KIF9: variants seen among roughly 807,000 people sequenced by gnomAD.
KIF9 encodes kinesin family member 9.
Under a neutral mutation model 94.8 loss-of-function variants are expected in KIF9, and 68 were observed. The ratio of observed to expected loss-of-function variants is 0.72; its 90% CI spans 0.59 to 0.88. The LOEUF (loss-of-function observed/expected upper bound fraction) is 0.88, where lower values mean the gene tolerates loss of function less well. KIF9 is among the 40% of genes least tolerant of loss of function. The pLI is 0.00. For synonymous variants in KIF9, 343 were observed against 362.1 expected (o/e 0.95, Z 0.60); for missense variants, 882 against 982.5 (o/e 0.90, Z 1.37).
At chr3:47,253,731 A>G (rs922228537) in intron 10 of KIF9, among the ~76,000 whole-genome samples, 7 of 152,188 alleles carry the variant, frequency 4.6e-5, no homozygotes, top group Non-Finnish European at 8.8e-5. Context: ...AGATTTATCC[A>G]TGCAGGTAGC....
intron 9 of KIF9, among the ~76,000 whole-genome samples, chr3:47,259,477 C>T (rs545290383): frequency 6.6e-6 from 1 of 152,314 alleles, no homozygotes; most frequent in South Asian, 2.1e-4. Flanking sequence ...CCAGAGTGGC[C>T]TCAGCTTGCT....
At position 47,267,056 on chromosome 3, in the gene KIF9, T is replaced by A. The variant is rs1170692383; in HGVS notation, c.688A>T (p.Thr230Ser). Residue 230 changes from threonine (T) to serine (S), a missense_variant, in exon 7 of 21, where the codon ACC becomes TCC. Thr to Ser is a moderately conservative substitution (Grantham distance 58). Coordinates refer to ENST00000684063, the MANE Select transcript of KIF9 (RefSeq NM_182902.4). ...FTIYLEAHSRTLSEEKYITSK... is the reference protein window; with the variant it reads ...FTIYLEAHSRSLSEEKYITSK... ...GTGATGTACTTTTCCTCTGATAAGGTCCGGGAATGGGCCTACAAAACATCC... is the reference window on the plus strand; with the variant it reads ...GTGATGTACTTTTCCTCTGATAAGGACCGGGAATGGGCCTACAAAACATCC... The A allele has an allele frequency of 1.2e-6, 2 of 1,613,582 alleles. No individual in the cohort carries two copies. Among genetic ancestry groups the A allele is most frequent in the East Asian group, 2.2e-5 (1 of 44,866 alleles).
intron 10 of KIF9, among the ~76,000 whole-genome samples, chr3:47,256,852 T>G (rs985969439): frequency 6.6e-6 from 1 of 152,242 alleles, no homozygotes; most frequent in African/African-American, 2.4e-5. Context: ...CCCCCAACCC[T>G]GTGCTCTCTG....
chr3:47,235,491 G>A (rs375678018), intron 20 of KIF9, 22 bp downstream of exon 20: 7 of 1,532,756 alleles, frequency 4.6e-6, no homozygotes, highest in Non-Finnish European at 5.4e-6. Flanking sequence ...CATCCTCCTG[G>A]AGACATAGGC....
chr3:47,228,705 G>C lies in KIF9; in HGVS notation c.2323-3C>G. 1 of 1,613,206 alleles carries C rather than the reference G, an allele frequency of 6.2e-7. No homozygotes were observed. Among genetic ancestry groups the C allele is most frequent in the Non-Finnish European group, 8.5e-7 (1 of 1,179,246 alleles). On this transcript the variant is annotated splice_polypyrimidine_tract_variant and splice_region_variant and intron_variant, in intron 20 of 20. Coordinates refer to ENST00000684063, the MANE Select transcript of KIF9 (RefSeq NM_182902.4). Reference sequence around the variant, plus strand: ...ATCATGGTTTTCAAGTAATTATGCTGGACACAGAGGGAAGAGAAAACAGGA... The same window carrying C: ...ATCATGGTTTTCAAGTAATTATGCTCGACACAGAGGGAAGAGAAAACAGGA...
intron 10 of KIF9, chr3:47,250,652 G>C: frequency 5.0e-6 from 2 of 400,350 alleles, no homozygotes; most frequent in East Asian, 1.3e-4. Context: ...TTGAGGAGAA[G>C]AATCGCTAAG....
chr3:47,273,477 TG>T, intron 4 of KIF9, 74 bp downstream of exon 4: 1 of 1,145,626 alleles, frequency 8.7e-7, no homozygotes, highest in Non-Finnish European at 1.3e-6. Context: ...CTCTAGTAGC[TG>T]GCCCAGGGTC....
chr3:47,276,451 A>C (rs1701972623), intron 2 of KIF9, among the ~76,000 whole-genome samples: 1 of 151,046 alleles, frequency 6.6e-6, no homozygotes, highest in Admixed American at 6.6e-5. Flanking sequence ...AGCTACTAGC[A>C]GGGCTGAGGC....
At chr3:47,263,903 T>G (rs1185201530) in intron 9 of KIF9, 1 of 459,214 alleles carries the variant, frequency 2.2e-6, no homozygotes, top group African/African-American at 2.0e-5. Context: ...TGGAACCCTG[T>G]GGGGTTTTCA....
chr3:47,276,986 A>C, intron 2 of KIF9: 1 of 227,336 alleles, frequency 4.4e-6, no homozygotes, highest in East Asian at 9.8e-5. Flanking sequence ...ATCAATCATT[A>C]GAAAGCTTTA....
chr3:47,230,655 T>C (rs1347147898), intron 20 of KIF9, among the ~76,000 whole-genome samples: 21 of 148,132 alleles, frequency 1.4e-4, no homozygotes, highest in Non-Finnish European at 2.4e-4. Context: ...CGCTTAAACC[T>C]GGGAGGCAGA....
intron 1 of KIF9, 64 bp downstream of exon 1, chr3:47,282,431 A>G (rs987085514): frequency 1.0e-6 from 1 of 986,084 alleles, no homozygotes; most frequent in African/African-American, 1.7e-5. Context: ...AGCCACTTTC[A>G]GCAGTCCGGG....
intron 1 of KIF9, chr3:47,281,151 A>C: frequency 1.5e-6 from 1 of 648,406 alleles, no homozygotes; most frequent in Admixed American, 2.3e-5. Flanking sequence ...GCTGGAAGTC[A>C]GAGGGCAGCT....
chr3:47,273,021 G>A (rs1559467086), intron 4 of KIF9, among the ~76,000 whole-genome samples: 1 of 152,122 alleles, frequency 6.6e-6, no homozygotes, highest in Non-Finnish European at 1.5e-5. Flanking sequence ...AGGCTAGTGG[G>A]GCCCAAAGGA....
intron 16 of KIF9, among the ~76,000 whole-genome samples, chr3:47,241,818 T>C (rs1699542736): frequency 6.9e-6 from 1 of 145,322 alleles, no homozygotes; most frequent in Non-Finnish European, 1.5e-5. Context: ...TATATATGTA[T>C]ATATATACAC....
intron 20 of KIF9, among the ~76,000 whole-genome samples, chr3:47,234,080 T>C (rs1275961102): frequency 6.6e-6 from 1 of 150,748 alleles, no homozygotes; most frequent in Non-Finnish European, 1.5e-5. Flanking sequence ...TGAAATTCCA[T>C]CCCACCCCCC....
intron 10 of KIF9, among the ~76,000 whole-genome samples, chr3:47,256,622 A>C (rs1700628135): frequency 2.0e-5 from 3 of 151,064 alleles, no homozygotes; most frequent in Admixed American, 2.0e-4. Flanking sequence ...CTGCCCGGCC[A>C]CCACCCCGTC....
chr3:47,264,247 G>A lies in KIF9; in HGVS notation c.981+39C>T, dbSNP rs757455444. Reference sequence around the variant, plus strand: ...TTACCCTGCCCTGGCACCCATGAAGGGGGATTCCAGCCTGGTTTCACTGAC... The same window carrying A: ...TTACCCTGCCCTGGCACCCATGAAGAGGGATTCCAGCCTGGTTTCACTGAC... On this transcript the variant is annotated intron_variant, in intron 9 of 20. Coordinates refer to ENST00000684063, the MANE Select transcript of KIF9 (RefSeq NM_182902.4). 4 of 1,517,254 alleles carry A rather than the reference G, an allele frequency of 2.6e-6. No homozygotes were observed. In the African/African-American group the frequency reaches 4.1e-5, roughly 16 times the overall value. 94.0% of individuals were successfully genotyped at this position (1,517,254 alleles called of 1,614,324 possible).
At chr3:47,254,920 T>C (rs535106479) in intron 10 of KIF9, among the ~76,000 whole-genome samples, 12 of 152,320 alleles carry the variant, frequency 7.9e-5, no homozygotes, top group Middle Eastern at 6.8e-3. Flanking sequence ...TAGTGACCTG[T>C]GGTTCAACAT....
Sources: gnomAD v4.1 joint callset for allele counts (sites outside exome capture counted in the v4.1 genomes callset) on GRCh38, gnomAD v4.1.1 for gene constraint, MANE v1.5 for transcripts, NCBI Gene and HGNC (gene_info 2026-07-23, HGNC 2026-07-21) for gene names.